The following PPP1R9A variants were observed in gnomAD, a reference collection of about 807,000 sequenced individuals.
PPP1R9A encodes protein phosphatase 1 regulatory subunit 9A.
In PPP1R9A, 59 loss-of-function variants were observed where a neutral mutation model predicts 141.9. The ratio of observed to expected loss-of-function variants is 0.42; its 90% CI spans 0.34 to 0.52. PPP1R9A has a LOEUF of 0.52. Among genes scored for constraint, PPP1R9A ranks in the 20% least tolerant of loss-of-function variants. The pLI is 0.10. For missense variants in PPP1R9A, 1,444 were observed against 1,611.9 expected, an observed-to-expected ratio of 0.90 and a Z score of 1.78; for synonymous variants, 500 against 569.7, an observed-to-expected ratio of 0.88 and a Z score of 1.74.
At chr7:95,209,377 C>A (rs1314440110) in intron 7 of PPP1R9A, among the ~76,000 whole-genome samples, 3 of 152,194 alleles carry the variant, frequency 2.0e-5, no homozygotes, top group African/African-American at 7.2e-5. Flanking sequence ...CAGCCTCAGA[C>A]CTACCAAATC....
intron 2 of PPP1R9A, among the ~76,000 whole-genome samples, chr7:95,095,688 C>T (rs1218129038): frequency 2.0e-5 from 3 of 152,166 alleles, no homozygotes; most frequent in Admixed American, 6.5e-5. Flanking sequence ...TGGAGTCTTT[C>T]CTGCTTTTTC....
At chr7:95,000,501 G>T (rs116180168) in intron 2 of PPP1R9A, among the ~76,000 whole-genome samples, 2,102 of 151,730 alleles carry the variant, frequency 0.014, 37 homozygotes, top group African/African-American at 0.048. Flanking sequence ...GCTTTTTCAT[G>T]TACTCTTACT....
intron 13 of PPP1R9A, among the ~76,000 whole-genome samples, chr7:95,268,908 C>G (rs760519588): frequency 2.0e-5 from 3 of 152,050 alleles, no homozygotes; most frequent in Non-Finnish European, 4.4e-5. Flanking sequence ...GTGAACTAAC[C>G]AAGAGCATTA....
chr7:95,082,172 T>A (rs1256209599), intron 2 of PPP1R9A, among the ~76,000 whole-genome samples: 1 of 152,226 alleles, frequency 6.6e-6, no homozygotes, highest in Non-Finnish European at 1.5e-5. Flanking sequence ...TTTACGTTTC[T>A]GCTGTCTTAC....
intron 4 of PPP1R9A, among the ~76,000 whole-genome samples, chr7:95,139,158 G>T (rs1053179443): frequency 1.3e-5 from 2 of 152,200 alleles, no homozygotes; most frequent in African/African-American, 4.8e-5. Flanking sequence ...AATGAAAGCG[G>T]TTTAATTGAC....
At chr7:95,222,580 T>G (rs1794612077) in intron 7 of PPP1R9A, among the ~76,000 whole-genome samples, 1 of 152,196 alleles carries the variant, frequency 6.6e-6, no homozygotes, top group East Asian at 1.9e-4. Flanking sequence ...TTACTATCTC[T>G]GTCAGTTTTT....
chr7:95,257,918 G>A (rs1799841749), intron 12 of PPP1R9A, among the ~76,000 whole-genome samples: 1 of 152,138 alleles, frequency 6.6e-6, no homozygotes. Context: ...CTCTATCATT[G>A]TTGGACATTT....
At chr7:95,196,793 T>C (rs1347283570) in intron 5 of PPP1R9A, among the ~76,000 whole-genome samples, 1 of 152,094 alleles carries the variant, frequency 6.6e-6, no homozygotes, top group Non-Finnish European at 1.5e-5. Context: ...AAGGAAATAG[T>C]TTGGGTTGAT....
At chr7:94,947,653 G>T (rs1796036491) in intron 2 of PPP1R9A, among the ~76,000 whole-genome samples, 1 of 152,084 alleles carries the variant, frequency 6.6e-6, no homozygotes, top group Admixed American at 6.6e-5. Context: ...CCATAGTACA[G>T]GTGTCACTTA....
At chr7:95,220,574 G>A (rs559581610) in intron 7 of PPP1R9A, among the ~76,000 whole-genome samples, 41 of 152,158 alleles carry the variant, frequency 2.7e-4, no homozygotes, top group African/African-American at 8.9e-4. Context: ...AGGCTCTACT[G>A]TGCTATGCAG....
intron 8 of PPP1R9A, among the ~76,000 whole-genome samples, chr7:95,237,491 C>T (rs1455894584): frequency 1.3e-5 from 2 of 151,864 alleles, no homozygotes; most frequent in Non-Finnish European, 2.9e-5. Context: ...CCACCATGCC[C>T]AGCCATATTT....
At chr7:94,984,314 A>G (rs1800520759) in intron 2 of PPP1R9A, among the ~76,000 whole-genome samples, 2 of 152,114 alleles carry the variant, frequency 1.3e-5, no homozygotes, top group African/African-American at 4.8e-5. Context: ...TGTCTCTGCC[A>G]GGCTTTGGTA....
At chr7:95,103,192 A>G (rs1288275718) in intron 2 of PPP1R9A, among the ~76,000 whole-genome samples, 1 of 145,166 alleles carries the variant, frequency 6.9e-6, no homozygotes, top group Non-Finnish European at 1.5e-5. Flanking sequence ...AATTCCTTAA[A>G]ATCAATTTTA....
rs1820550553 is a variant in PPP1R9A at position 95,111,466 on chromosome 7, C to A, written c.1528+75C>A. The A allele has an allele frequency of 1.6e-5, 22 of 1,364,024 alleles. No individual in the cohort carries two copies. In the South Asian group the frequency reaches 3.2e-4, roughly 20 times the overall value. The allele number at this position is 1,364,024 out of a possible 1,614,324, so 84.5% of individuals were successfully genotyped here. A position where few individuals can be genotyped will look rare whatever the true frequency, so the allele number is the denominator to read the frequency against. ...ACAGAATTATTTTTCCAAAATGTAG[C>A]CTTTTTTCTAAGGATTGGATAAAAT... On this transcript the variant is annotated intron_variant, in intron 3 of 19. Coordinates refer to ENST00000433360, the MANE Select transcript of PPP1R9A (RefSeq NM_001166160.2).
At chr7:94,927,176 TATGTTTTTGC>T (rs913890063) in intron 2 of PPP1R9A, among the ~76,000 whole-genome samples, 4 of 152,318 alleles carry the variant, frequency 2.6e-5, no homozygotes, top group African/African-American at 9.6e-5. Context: ...GGGGGTTATG[TATGTTTTTGC>T]AGATACGTAA....
chr7:95,072,873 A>T (rs1236660068), intron 2 of PPP1R9A, among the ~76,000 whole-genome samples: 4 of 114,150 alleles, frequency 3.5e-5, no homozygotes, highest in Admixed American at 1.2e-4. Context: ...AATATAATAT[A>T]ATATTATATA....
In PPP1R9A at chr7:94,939,817, TACACACAC is replaced by T. The variant is rs4014722; in HGVS notation, c.1395+28334_1395+28341del. ...ATGTATACATACATGTATATATGTG[TACACACAC>T]ACACACACACACACACACACACACG... is the stretch of plus-strand genomic sequence containing the variant. On this transcript the variant is annotated intron_variant, in intron 2 of 19. Coordinates refer to ENST00000433360, the MANE Select transcript of PPP1R9A (RefSeq NM_001166160.2). Among the ~76,000 whole-genome samples, 1,405 of 145,272 alleles carry T rather than the reference TACACACAC, an allele frequency of 9.7e-3. 20 individuals carry two copies. Among genetic ancestry groups the T allele is most frequent in the African/African-American group, 0.033 (1,300 of 39,474 alleles).
intron 8 of PPP1R9A, among the ~76,000 whole-genome samples, chr7:95,239,907 A>G (rs1415910494): frequency 1.3e-5 from 2 of 152,038 alleles, no homozygotes; most frequent in Admixed American, 1.3e-4. Context: ...AAGCGAGATT[A>G]TTAAAATATA....
rs374627299 is a variant in PPP1R9A, at chr7:95,102,470, C to T, written c.1396-8789C>T. Among the ~76,000 whole-genome samples the T allele has an allele frequency of 5.9e-5, 9 of 152,244 alleles. 1 individual carries two copies. In the East Asian group the frequency reaches 1.5e-3, roughly 26 times the overall value. ...AATCCAGCAGCCTCAGTATCATAAT[C>T]GATCCTACCTTCTTGCACATAAAAG... On this transcript the variant is annotated intron_variant, in intron 2 of 19. Coordinates refer to ENST00000433360, the MANE Select transcript of PPP1R9A (RefSeq NM_001166160.2).
Sources: allele counts gnomAD v4.1 joint callset (sites outside exome capture counted in the v4.1 genomes callset), GRCh38; gene constraint gnomAD v4.1.1; transcripts MANE v1.5; gene names NCBI Gene and HGNC (gene_info 2026-07-23, HGNC 2026-07-21).